Variants in SIPA1L1 observed in about 807,000 individuals in gnomAD.
SIPA1L1 encodes the protein signal induced proliferation associated 1 like 1.
A neutral mutation model predicts 162.7 loss-of-function variants in SIPA1L1; 26 were observed. That is an observed-to-expected ratio of 0.16 (90% confidence interval 0.12 to 0.22). The LOEUF is 0.22. SIPA1L1 is among the 10% of genes least tolerant of loss of function. The pLI is 1.00. For synonymous variants in SIPA1L1, 829 were observed against 837.4 expected (o/e 0.99, Z 0.17); for missense variants, 1,874 against 2,241.0 (o/e 0.84, Z 3.31).
At chr14:71,600,978 C>A (rs1281562892) in intron 5 of SIPA1L1, among the ~76,000 whole-genome samples, 3 of 152,050 alleles carry the variant, frequency 2.0e-5, no homozygotes, top group African/African-American at 7.2e-5. Context: ...ATTTAATGAT[C>A]CAGATCTAAG....
chr14:71,705,077 A>G (rs1034723623), intron 15 of SIPA1L1, 145 bp from the exon 16 acceptor site: 12 of 675,818 alleles, frequency 1.8e-5, no homozygotes, highest in African/African-American at 5.4e-5. Flanking sequence ...CTGTCTATCA[A>G]ATAGACTCTT....
intron 2 of SIPA1L1, among the ~76,000 whole-genome samples, chr14:71,421,150 C>T (rs1035009878): frequency 6.6e-5 from 10 of 152,118 alleles, no homozygotes; most frequent in African/African-American, 2.2e-4. Context: ...GATCATATTG[C>T]GCATACTGTT....
rs949350673 is a variant in SIPA1L1 at position 71,492,904 on chromosome 14, G to A, written c.-464-19839G>A. On this transcript the variant is annotated intron_variant, in intron 2 of 23. Transcript: ENST00000381232. ...GCCTCCCAAAGTGCTGGGATTATAGGCATGAGCCATTGTGCCCAGCCAGTA... is the reference window on the plus strand; with the variant it reads ...GCCTCCCAAAGTGCTGGGATTATAGACATGAGCCATTGTGCCCAGCCAGTA... Among the ~76,000 whole-genome samples, 5 of 151,940 alleles carry A rather than the reference G, an allele frequency of 3.3e-5. No homozygotes were observed. The South Asian group carries it at 6.3e-4, about 19-fold the overall frequency.
At chr14:71,395,573 A>T (rs1183172062) in intron 2 of SIPA1L1, among the ~76,000 whole-genome samples, 1 of 152,176 alleles carries the variant, frequency 6.6e-6, no homozygotes, top group Non-Finnish European at 1.5e-5. Context: ...AGGTGCGAGG[A>T]TCACTTGAGT....
chr14:71,735,543 T>G, intron 22 of SIPA1L1, 152 bp downstream of exon 22: 1 of 549,634 alleles, frequency 1.8e-6, no homozygotes, highest in Non-Finnish European at 3.2e-6. Flanking sequence ...CAGAACGCTT[T>G]GTAACTGAAT....
chr14:71,638,245 G>A (rs1310011222), intron 7 of SIPA1L1, among the ~76,000 whole-genome samples: 1 of 151,726 alleles, frequency 6.6e-6, no homozygotes, highest in East Asian at 1.9e-4. Context: ...TAGGAAAAAA[G>A]AAAACTACTG....
intron 5 of SIPA1L1, among the ~76,000 whole-genome samples, chr14:71,616,035 C>T (rs775219222): frequency 2.0e-5 from 3 of 152,028 alleles, no homozygotes; most frequent in Non-Finnish European, 2.9e-5. Context: ...AAAAAAAGGT[C>T]TCAGGCTTAG....
At chr14:71,479,614 C>T (rs138703344) in intron 2 of SIPA1L1, among the ~76,000 whole-genome samples, 1 of 151,706 alleles carries the variant, frequency 6.6e-6, no homozygotes, top group African/African-American at 2.4e-5. Flanking sequence ...CACTATATTG[C>T]CCTGGCTGCT....
chr14:71,563,475 T>G (rs896560718), intron 4 of SIPA1L1, among the ~76,000 whole-genome samples: 2 of 152,232 alleles, frequency 1.3e-5, no homozygotes, highest in Non-Finnish European at 2.9e-5. Flanking sequence ...ATTACTAAGG[T>G]GTTTTTTAAA....
chr14:71,432,331 C>T (rs937409410), intron 2 of SIPA1L1, among the ~76,000 whole-genome samples: 7 of 152,092 alleles, frequency 4.6e-5, no homozygotes, highest in Non-Finnish European at 1.0e-4. Flanking sequence ...CCTCGGCCTC[C>T]CAGATTGTTG....
chr14:71,685,679 T>G (rs777853001), intron 13 of SIPA1L1, 48 bp downstream of exon 13: 1 of 1,602,224 alleles, frequency 6.2e-7, no homozygotes, highest in Non-Finnish European at 8.5e-7. Flanking sequence ...GCCCCAAATG[T>G]AAGTAACACA....
At chr14:71,391,660 G>A (rs1226561224) in intron 2 of SIPA1L1, among the ~76,000 whole-genome samples, 1 of 152,126 alleles carries the variant, frequency 6.6e-6, no homozygotes, top group African/African-American at 2.4e-5. Context: ...TGTGCCTATG[G>A]TACTCTACCA....
At chr14:71,348,072 G>GA (rs979929119) in intron 2 of SIPA1L1, among the ~76,000 whole-genome samples, 5 of 151,956 alleles carry the variant, frequency 3.3e-5, no homozygotes, top group African/African-American at 1.2e-4. Context: ...TGGCTTGCAG[G>GA]AAAAAAATTT....
chr14:71,467,036 A>T (rs1168293338), intron 2 of SIPA1L1: 1 of 152,232 alleles, frequency 6.6e-6, no homozygotes, highest in East Asian at 1.9e-4. Flanking sequence ...CACAGTTTTC[A>T]ACATTTCTAG....
At position 71,618,678 on chromosome 14, in the gene SIPA1L1, C is replaced by T; in HGVS notation, c.1499-79C>T. 9.8e-6 allele frequency: 13 copies of T among 1,330,744 alleles called. No individual in the cohort carries two copies. In the South Asian group the frequency reaches 1.7e-4, roughly 18 times the overall value. The allele number at this position is 1,330,744 out of a possible 1,614,324, so 82.4% of individuals were successfully genotyped here. A position where few individuals can be genotyped will look rare whatever the true frequency, so the allele number is the denominator to read the frequency against. On this transcript the variant is annotated intron_variant, in intron 5 of 23. Coordinates refer to ENST00000381232, the MANE Select transcript of SIPA1L1 (RefSeq NM_001386936.1). ...ATTGATAAAATTTCTGAGTGACAAC[C>T]TTAAATACTGAGCAGAATGTAACAT...
intron 20 of SIPA1L1, 93 bp from the exon 21 acceptor site, chr14:71,733,573 C>T: frequency 7.7e-7 from 1 of 1,291,216 alleles, no homozygotes; most frequent in Non-Finnish European, 1.1e-6. Context: ...TCACAAATGG[C>T]TTACAATCTA....
chr14:71,718,575 A>T (rs1566727824), intron 17 of SIPA1L1, among the ~76,000 whole-genome samples: 3 of 152,226 alleles, frequency 2.0e-5, no homozygotes, highest in South Asian at 2.1e-4. Flanking sequence ...GCTTAAGCCC[A>T]GGAGGCTGAG....
At chr14:71,641,193 G>A (rs1310144366) in intron 7 of SIPA1L1, among the ~76,000 whole-genome samples, 1 of 151,542 alleles carries the variant, frequency 6.6e-6, no homozygotes, top group African/African-American at 2.4e-5. Flanking sequence ...AGTATTTGAG[G>A]AAATGCTGGT....
intron 20 of SIPA1L1, among the ~76,000 whole-genome samples, chr14:71,731,054 A>T (rs2084721561): frequency 6.6e-6 from 1 of 152,104 alleles, no homozygotes; most frequent in South Asian, 2.1e-4. Flanking sequence ...TGCTGGATGC[A>T]CTGCTGTCAC....
Sources: allele counts gnomAD v4.1 joint callset (sites outside exome capture counted in the v4.1 genomes callset), GRCh38; gene constraint gnomAD v4.1.1; transcripts MANE v1.5; gene names NCBI Gene and HGNC (gene_info 2026-07-23, HGNC 2026-07-21).